Variants in MBD5 observed in about 807,000 individuals in gnomAD.
MBD5 encodes methyl-CpG binding domain protein 5.
MBD5 carries 13 observed loss-of-function variants against 117.3 expected under a neutral mutation model. The observed-to-expected ratio is 0.11, with a 90% CI of 0.07 to 0.18. The LOEUF (loss-of-function observed/expected upper bound fraction) is 0.18. MBD5 is among the 10% of genes least tolerant of loss of function. The probability of loss-of-function intolerance (pLI) is 1.00; values close to 1 mark genes in which losing one functional copy is unlikely to be tolerated. For missense variants in MBD5, 1,879 were observed against 2,093.8 expected, an observed-to-expected ratio of 0.90 and a Z score of 2.00; for synonymous variants, 727 against 766.4, an observed-to-expected ratio of 0.95 and a Z score of 0.85.
chr2:148,459,453 T>C (rs1706996029), intron 5 of MBD5, among the ~76,000 whole-genome samples: 1 of 152,158 alleles, frequency 6.6e-6, no homozygotes, highest in Non-Finnish European at 1.5e-5. Flanking sequence ...ATGCTATACA[T>C]CTGTTGTAGA....
intron 4 of MBD5, among the ~76,000 whole-genome samples, chr2:148,362,386 G>A (rs970848886): frequency 1.3e-5 from 2 of 152,154 alleles, no homozygotes; most frequent in South Asian, 2.1e-4. Flanking sequence ...CGAACTGGGC[G>A]GAGATCACTG....
intron 4 of MBD5, among the ~76,000 whole-genome samples, chr2:148,390,347 C>T (rs970936964): frequency 6.6e-6 from 1 of 151,588 alleles, no homozygotes; most frequent in African/African-American, 2.4e-5. Context: ...TCTTAATTAC[C>T]TCCTTAAAGG....
At chr2:148,109,227 G>A (rs1387532368) in intron 1 of MBD5, among the ~76,000 whole-genome samples, 9 of 152,042 alleles carry the variant, frequency 5.9e-5, no homozygotes, top group East Asian at 1.9e-4. Context: ...GGAGGCTGCC[G>A]TGAGCCATGT....
intron 2 of MBD5, among the ~76,000 whole-genome samples, chr2:148,212,588 G>C (rs1699452563): frequency 1.3e-5 from 2 of 152,240 alleles, no homozygotes; most frequent in South Asian, 4.1e-4. Flanking sequence ...CATTAAAAAG[G>C]TGTGTGTATG....
intron 1 of MBD5, among the ~76,000 whole-genome samples, chr2:148,169,075 A>G (rs1166533516): frequency 6.6e-6 from 1 of 151,862 alleles, no homozygotes; most frequent in East Asian, 1.9e-4. Flanking sequence ...AAGAATGGAA[A>G]AATAAATGGA....
intron 1 of MBD5, among the ~76,000 whole-genome samples, chr2:148,135,813 T>G (rs1464918994): frequency 6.6e-6 from 1 of 152,214 alleles, no homozygotes; most frequent in Non-Finnish European, 1.5e-5. Context: ...TCTTTGTGTC[T>G]GTTTGGAAGT....
At chr2:148,208,242 A>G (rs1699333726) in intron 2 of MBD5, among the ~76,000 whole-genome samples, 1 of 151,828 alleles carries the variant, frequency 6.6e-6, no homozygotes, top group Non-Finnish European at 1.5e-5. Flanking sequence ...CTTTTATTTT[A>G]TTTTACTTTA....
intron 1 of MBD5, among the ~76,000 whole-genome samples, chr2:148,136,398 C>G (rs758024454): frequency 3.3e-5 from 5 of 151,688 alleles, no homozygotes; most frequent in African/African-American, 4.8e-5. Context: ...GAAATTTTGG[C>G]GAAAAGAAGA....
In MBD5 at chr2:148,483,373, G is replaced by T. The variant is rs1173736047; in HGVS notation, c.2782G>T (p.Val928Leu). The T allele has an allele frequency of 1.2e-6, 2 of 1,614,036 alleles. No individual in the cohort carries two copies. The change falls in exon 9 of 14, where the codon GTG (valine) becomes TTG (leucine). Residue 928 changes from valine (V) to leucine (L), a missense_variant. Coordinates refer to ENST00000642680, the MANE Select transcript of MBD5 (RefSeq NM_001378120.1). ...LLSSLPISLPVNQQHLLNQNL... is the reference protein window; with the variant it reads ...LLSSLPISLPLNQQHLLNQNL... ...CAGTTCTCTACCTATCTCTTTGCCA[G>T]TGAATCAACAGCATCTCCTAAACCA...
At chr2:148,032,148 CTT>C (rs1475412379) in intron 1 of MBD5, among the ~76,000 whole-genome samples, 2 of 152,010 alleles carry the variant, frequency 1.3e-5, no homozygotes, top group Non-Finnish European at 2.9e-5. Flanking sequence ...GTGTTTATCT[CTT>C]TTTCACAAAG....
chr2:148,436,254 CTCTT>C (rs1296948883), intron 4 of MBD5, among the ~76,000 whole-genome samples: 1 of 152,206 alleles, frequency 6.6e-6, no homozygotes, highest in Non-Finnish European at 1.5e-5. Flanking sequence ...TCTGATCAGG[CTCTT>C]TCTTCTCCCA....
At chr2:148,484,219 C>T (rs1681263157) in intron 9 of MBD5, 84 bp downstream of exon 9, 1 of 1,187,322 alleles carries the variant, frequency 8.4e-7, no homozygotes, top group Non-Finnish European at 1.1e-6. Context: ...TCCATTTTGT[C>T]ACACTATTTT....
At chr2:148,267,362 G>A (rs1012101728) in intron 3 of MBD5, among the ~76,000 whole-genome samples, 2 of 152,134 alleles carry the variant, frequency 1.3e-5, no homozygotes, top group African/African-American at 4.8e-5. Context: ...TCACAATTTA[G>A]CATCAGCCCA....
intron 2 of MBD5, chr2:148,196,092 G>C (rs139888180): frequency 3.9e-5 from 6 of 152,178 alleles, no homozygotes; most frequent in Admixed American, 3.9e-4. Context: ...GGTATCATTG[G>C]TATCACTTAT....
chr2:148,182,601 G>C (rs1442727298), intron 2 of MBD5, among the ~76,000 whole-genome samples: 1 of 152,188 alleles, frequency 6.6e-6, no homozygotes, highest in Non-Finnish European at 1.5e-5. Context: ...TTCTTTTAAT[G>C]TGTGCTAACT....
Position 148,210,170 on chromosome 2 carries a change from A to G in MBD5, c.-830-23075A>G, listed in dbSNP as rs137961000. Among the ~76,000 whole-genome samples the G allele has an allele frequency of 9.8e-5, 15 of 152,346 alleles. No homozygotes were observed. The East Asian group carries it at 2.9e-3, about 29-fold the overall frequency. On this transcript the variant is annotated intron_variant, in intron 2 of 13. Coordinates refer to ENST00000642680, the MANE Select transcript of MBD5 (RefSeq NM_001378120.1). Reference sequence around the variant, plus strand: ...TATTTTCATTTCACAAAGAAAAGCCATAAAACTACTTATTTAGAGCTACAA... The same window carrying G: ...TATTTTCATTTCACAAAGAAAAGCCGTAAAACTACTTATTTAGAGCTACAA...
intron 2 of MBD5, among the ~76,000 whole-genome samples, chr2:148,208,217 TC>T (rs1490914377): frequency 1.3e-5 from 2 of 152,164 alleles, no homozygotes; most frequent in African/African-American, 4.8e-5. Context: ...TGTGTTTGTT[TC>T]CCCTATATAC....
At chr2:148,442,947 G>T (rs1425547539) in intron 4 of MBD5, among the ~76,000 whole-genome samples, 1 of 151,402 alleles carries the variant, frequency 6.6e-6, no homozygotes, top group Non-Finnish European at 1.5e-5. Flanking sequence ...AATCAACAAA[G>T]TGAAGAGACA....
chr2:148,283,848 C>G (rs1701306997), intron 3 of MBD5, among the ~76,000 whole-genome samples: 1 of 152,182 alleles, frequency 6.6e-6, no homozygotes, highest in Non-Finnish European at 1.5e-5. Context: ...TTTATAACCC[C>G]TTTCTTTCTT....
Sources: allele counts gnomAD v4.1 joint callset (sites outside exome capture counted in the v4.1 genomes callset), GRCh38; gene constraint gnomAD v4.1.1; transcripts MANE v1.5; gene names NCBI Gene and HGNC (gene_info 2026-07-23, HGNC 2026-07-21).